Variants in DENND2C observed in about 807,000 individuals in gnomAD.
DENND2C encodes the protein DENN domain-containing protein 2C.
Under a neutral mutation model 112.4 loss-of-function variants are expected in DENND2C, and 72 were observed. That is an observed-to-expected ratio of 0.64 (90% CI 0.53 to 0.78). DENND2C has a LOEUF of 0.78. DENND2C is among the 30% of genes least tolerant of loss of function. The pLI is 0.00. For missense variants in DENND2C, 992 were observed against 1,113.8 expected (o/e 0.89, Z 1.56); for synonymous variants, 329 against 381.6 (o/e 0.86, Z 1.61).
chr1:114,598,374 A>G (rs778046118), intron 16 of DENND2C, among the ~76,000 whole-genome samples: 1 of 152,226 alleles, frequency 6.6e-6, no homozygotes, highest in Non-Finnish European at 1.5e-5. Flanking sequence ...GCAAAAATAT[A>G]TATACCATAT....
chr1:114,598,618 A>G (rs1479950592), intron 16 of DENND2C, among the ~76,000 whole-genome samples: 1 of 152,154 alleles, frequency 6.6e-6, no homozygotes, highest in Non-Finnish European at 1.5e-5. Context: ...TCTAATGCTC[A>G]TTATGTATCT....
At chr1:114,588,050 ATAGAT>A in intron 18 of DENND2C, 98 bp from the exon 19 acceptor site, 1 of 1,019,416 alleles carries the variant, frequency 9.8e-7, no homozygotes, top group South Asian at 1.6e-5. Flanking sequence ...CTAAGAAGTT[ATAGAT>A]TAAAGGACTG....
chr1:114,625,359 G>A lies in DENND2C; in HGVS notation c.626C>T (p.Pro209Leu). ...EGQECGPSIN[P>L]LPKPRRTFRY... ...GAATGTCCTACGAGGTTTTGGCAAAGGATTTATGGAAGGTCCACATTCTTG... is the reference window on the plus strand; with the variant it reads ...GAATGTCCTACGAGGTTTTGGCAAAAGATTTATGGAAGGTCCACATTCTTG... Residue 209 changes from proline to leucine, a missense_variant, in exon 4 of 21, where the codon CCT becomes CTT. By Grantham distance (98) the Pro-to-Leu change is moderately conservative. Around this residue, in one of 3 missense-constraint regions of DENND2C, gnomAD observed 470 missense variants for 472.7 expected, o/e 0.99. Transcript: ENST00000393274. 6.2e-7 allele frequency: 1 copy of A among 1,614,146 alleles called. No homozygotes were observed. Among genetic ancestry groups the A allele is most frequent in the Non-Finnish European group, 8.5e-7 (1 of 1,180,018 alleles).
At chr1:114,666,401 C>G (rs1030221882) in intron 1 of DENND2C, among the ~76,000 whole-genome samples, 2 of 152,170 alleles carry the variant, frequency 1.3e-5, no homozygotes, top group African/African-American at 2.4e-5. Flanking sequence ...GTCCTTAGCA[C>G]GATACTCTGG....
At chr1:114,650,811 A>G (rs2101689204) in intron 2 of DENND2C, among the ~76,000 whole-genome samples, 1 of 152,344 alleles carries the variant, frequency 6.6e-6, no homozygotes, top group South Asian at 2.1e-4. Context: ...GTATTTCTCA[A>G]ATTTTCAAAT....
intron 2 of DENND2C, 145 bp from the exon 3 acceptor site, chr1:114,645,704 T>A (rs979144886): frequency 6.6e-5 from 10 of 152,204 alleles, no homozygotes; most frequent in African/African-American, 2.4e-4. Context: ...TTTGTTGAAA[T>A]TTGACTAGTA....
chr1:114,625,756 C>T lies in DENND2C; in HGVS notation c.229G>A (p.Glu77Lys), dbSNP rs1460850301. The change falls in exon 4 of 21, where the codon GAA becomes AAA. Residue 77 changes from glutamate to lysine, a missense_variant. By Grantham distance (56) the Glu-to-Lys change is moderately conservative. Coordinates refer to ENST00000393274, the MANE Select transcript of DENND2C (RefSeq NM_001256404.2). ...KSKNLDVTSR[E>K]NVGLDINENT... ...TCATTTATATCTAGACCCACATTTTCACGGCTGGTTACATCCAAGTTTTTG... is the reference window on the plus strand; with the variant it reads ...TCATTTATATCTAGACCCACATTTTTACGGCTGGTTACATCCAAGTTTTTG... The T allele has an allele frequency of 6.2e-7, 1 of 1,614,082 alleles. No individual in the cohort carries two copies. Among genetic ancestry groups the T allele is most frequent in the African/African-American group, 1.3e-5 (1 of 75,044 alleles).
rs1557954366 is a variant in DENND2C, at chr1:114,638,181, T to C, written c.-205+7267A>G. On this transcript the variant is annotated intron_variant, in intron 3 of 20. Coordinates refer to ENST00000393274, the MANE Select transcript of DENND2C (RefSeq NM_001256404.2). ...GATTTCCACAAAGCTGGGGAAAGAA[T>C]AATCTTTTCAATAAATGGCATCAGA... Among the ~76,000 whole-genome samples, 4 of 152,004 alleles carry C rather than the reference T, an allele frequency of 2.6e-5. No individual in the cohort carries two copies. In the South Asian group the frequency reaches 8.3e-4, roughly 32 times the overall value.
chr1:114,622,869 CA>C, intron 6 of DENND2C, 117 bp downstream of exon 6: 1 of 582,958 alleles, frequency 1.7e-6, no homozygotes, highest in South Asian at 4.4e-5. Flanking sequence ...CTACCACCAA[CA>C]TTAAAACTTA....
intron 10 of DENND2C, 91 bp downstream of exon 10, chr1:114,608,595 G>A: frequency 1.4e-6 from 2 of 1,412,666 alleles, no homozygotes; most frequent in Non-Finnish European, 1.9e-6. Context: ...GTAAAAACTT[G>A]TTGAGATAAC....
intron 3 of DENND2C, among the ~76,000 whole-genome samples, chr1:114,633,439 C>CAAAAAAAA (rs780884019): frequency 1.2e-3 from 58 of 49,068 alleles, no homozygotes; most frequent in South Asian, 2.6e-3. Flanking sequence ...GACCCTATCT[C>CAAAAAAAA]AAAAAAAAAA....
In DENND2C at chr1:114,608,811, A is replaced by C; in HGVS notation, c.1432T>G (p.Leu478Val). ...TGTAATTCAATAAGATCCCGCTCCA[A>C]GGTCTGGTAGTGAGGATTCCTCTTG... ...SSKRNPHYQTLERDLIELQEQ... is the reference protein window; with the variant it reads ...SSKRNPHYQTVERDLIELQEQ... The change falls in exon 10 of 21, where the codon TTG becomes GTG. Residue 478 changes from leucine to valine, a missense_variant. Around this residue, in one of 3 missense-constraint regions of DENND2C, gnomAD observed 516 missense variants for 623.6 expected, o/e 0.83. Transcript: ENST00000393274. 1 of 1,614,200 alleles carries C rather than the reference A, an allele frequency of 6.2e-7. No homozygotes were observed. Among genetic ancestry groups the C allele is most frequent in the Non-Finnish European group, 8.5e-7 (1 of 1,180,028 alleles).
chr1:114,650,279 T>C (rs947105936), intron 2 of DENND2C, among the ~76,000 whole-genome samples: 11 of 149,758 alleles, frequency 7.3e-5, no homozygotes, highest in Non-Finnish European at 1.6e-4. Flanking sequence ...GCTGAGATCA[T>C]GCCATTGCAC....
At position 114,625,429 on chromosome 1, in the gene DENND2C, C is replaced by T. The variant is rs760763399; in HGVS notation, c.556G>A (p.Gly186Arg). ...LNFRVLDSSY[G>R]ITKSLENIYS... The stretch of plus-strand genomic sequence containing the variant: ...ATATTTTCTAAGCTCTTGGTTATTC[C>T]GTATGAACTATCCAGAACTCTGAAG... Residue 186 changes from glycine (G) to arginine (R), a missense_variant, in exon 4 of 21, where the codon GGA becomes AGA. Gly to Arg is a moderately radical substitution (Grantham distance 125). Around this residue, in one of 3 missense-constraint regions of DENND2C, gnomAD observed 470 missense variants for 472.7 expected, o/e 0.99. Coordinates refer to ENST00000393274, the MANE Select transcript of DENND2C (RefSeq NM_001256404.2). 9.9e-6 allele frequency: 16 copies of T among 1,613,936 alleles called. No homozygotes were observed. Among genetic ancestry groups the T allele is most frequent in the Non-Finnish European group, 1.2e-5 (14 of 1,180,008 alleles).
Position 114,608,577 on chromosome 1 carries a change from C to T in DENND2C, c.1557+109G>A. On this transcript the variant is annotated intron_variant, in intron 10 of 20. Coordinates refer to ENST00000393274, the MANE Select transcript of DENND2C (RefSeq NM_001256404.2). ...AAGCCACCAGATCCTACCACAAGAA[C>T]AGTATTGGTAAAAACTTGTTGAGAT... The T allele has an allele frequency of 2.5e-6, 3 of 1,222,026 alleles. No homozygotes were observed. In the South Asian group the frequency reaches 4.6e-5, roughly 19 times the overall value. 75.7% of individuals were successfully genotyped at this position (1,222,026 alleles called of 1,614,324 possible). A position where few individuals can be genotyped will look rare whatever the true frequency, so the allele number is the denominator to read the frequency against.
chr1:114,617,870 C>T (rs1656019580), intron 8 of DENND2C, among the ~76,000 whole-genome samples: 1 of 151,912 alleles, frequency 6.6e-6, no homozygotes, highest in Admixed American at 6.6e-5. Flanking sequence ...TTTTTTCATT[C>T]ATTTATTTGT....
At position 114,601,358 on chromosome 1, in the gene DENND2C, G is replaced by A. The variant is rs1655499551; in HGVS notation, c.1815+150C>T. 2.8e-6 allele frequency: 2 copies of A among 718,836 alleles called. 1 individual carries two copies. Among genetic ancestry groups the A allele is most frequent in the South Asian group, 4.5e-5 (2 of 44,564 alleles). The allele number at this position is 718,836 out of a possible 1,614,324, so 44.5% of individuals were successfully genotyped here. ...TGAAGATGATATAGCAAGAGCAAAT[G>A]GATTAGAGATGTAAGTTTAAGCCTT... is the stretch of plus-strand genomic sequence containing the variant. On this transcript the variant is annotated intron_variant, in intron 13 of 20. Transcript: ENST00000393274.
intron 8 of DENND2C, among the ~76,000 whole-genome samples, chr1:114,615,589 T>A (rs1402878780): frequency 6.6e-6 from 1 of 152,206 alleles, no homozygotes; most frequent in Non-Finnish European, 1.5e-5. Context: ...CAAAAGTATT[T>A]CTTCCCCAGA....
At position 114,625,378 on chromosome 1, in the gene DENND2C, A is replaced by G; in HGVS notation, c.607T>C (p.Cys203Arg). 1 of 1,614,176 alleles carries G rather than the reference A, an allele frequency of 6.2e-7. No individual in the cohort carries two copies. Among genetic ancestry groups the G allele is most frequent in the Non-Finnish European group, 8.5e-7 (1 of 1,180,026 alleles). ...NIYSEPEGQE[C>R]GPSINPLPKP... ...GGCAAAGGATTTATGGAAGGTCCAC[A>G]TTCTTGCCCCTCAGGTTCAGAGTAA... Residue 203 changes from cysteine to arginine, a missense_variant, in exon 4 of 21, where the codon TGT becomes CGT. Physicochemically the swap from Cys to Arg is radical, Grantham distance 180. Transcript: ENST00000393274.
Sources: gnomAD v4.1 joint callset for allele counts (sites outside exome capture counted in the v4.1 genomes callset) on GRCh38, gnomAD v4.1.1 for gene constraint, gnomAD v4.1.1 regional missense constraint, MANE v1.5 for transcripts, NCBI Gene and HGNC (gene_info 2026-07-23, HGNC 2026-07-21) for gene names.